ZNF532: variants seen among roughly 807,000 people sequenced by gnomAD.
The protein encoded by ZNF532 is zinc finger protein 532.
In ZNF532, 22 loss-of-function variants were observed where a neutral mutation model predicts 89.3. That is an observed-to-expected ratio of 0.25 (90% CI 0.18 to 0.35). The LOEUF is 0.35. Among genes scored for constraint, ZNF532 ranks in the 10% least tolerant of loss-of-function variants. The pLI is 1.00. For synonymous variants in ZNF532, 606 were observed against 649.6 expected (o/e 0.93, Z 1.02); for missense variants, 1,132 against 1,643.4 (o/e 0.69, Z 5.38).
chr18:58,967,740 T>C (rs1329348994), intron 7 of ZNF532, among the ~76,000 whole-genome samples: 1 of 152,192 alleles, frequency 6.6e-6, no homozygotes, highest in Admixed American at 6.5e-5. Context: ...CTGAGGCTGC[T>C]TCAGACCTCA....
intron 5 of ZNF532, chr18:58,939,904 T>G (rs1412601473): frequency 4.5e-6 from 1 of 222,326 alleles, no homozygotes; most frequent in Non-Finnish European, 8.9e-6. Context: ...AATTTTTTTT[T>G]TTTTTTGAGA....
intron 2 of ZNF532, among the ~76,000 whole-genome samples, chr18:58,892,970 G>T (rs976530561): frequency 1.2e-4 from 18 of 149,966 alleles, no homozygotes; most frequent in Non-Finnish European, 2.4e-4. Flanking sequence ...AGCAATTTCT[G>T]ATTTGTACTT....
chr18:58,895,111 G>A (rs553220254), intron 2 of ZNF532, among the ~76,000 whole-genome samples: 1 of 152,336 alleles, frequency 6.6e-6, no homozygotes, highest in South Asian at 2.1e-4. Flanking sequence ...GCTTTTCTGT[G>A]TAAATTGTTG....
intron 2 of ZNF532, among the ~76,000 whole-genome samples, chr18:58,899,626 G>A (rs1012870355): frequency 5.3e-5 from 8 of 151,994 alleles, no homozygotes; most frequent in African/African-American, 1.7e-4. Flanking sequence ...GAGCCACCAC[G>A]CCCAGCTTAT....
intron 9 of ZNF532, among the ~76,000 whole-genome samples, chr18:58,982,436 C>A (rs999457797): frequency 6.6e-6 from 1 of 151,392 alleles, no homozygotes; most frequent in Non-Finnish European, 1.5e-5. Context: ...GCCTGGCCAA[C>A]GTGGTGAAAC....
chr18:58,898,760 A>G lies in ZNF532; in HGVS notation c.-17-19511A>G, dbSNP rs1292709285. Among the ~76,000 whole-genome samples, 4 of 152,090 alleles carry G rather than the reference A, an allele frequency of 2.6e-5. No homozygotes were observed. The East Asian group carries it at 5.8e-4, about 22-fold the overall frequency. On this transcript the variant is annotated intron_variant, in intron 2 of 9. Coordinates refer to ENST00000591808, the MANE Select transcript of ZNF532 (RefSeq NM_001375912.1). Reference sequence around the variant, plus strand: ...CTAAGCACCTCCCCAAAACTGTACCATCTGTGCTGGGGAAATCAGGGAGCC... The same window carrying G: ...CTAAGCACCTCCCCAAAACTGTACCGTCTGTGCTGGGGAAATCAGGGAGCC...
intron 2 of ZNF532, among the ~76,000 whole-genome samples, chr18:58,903,025 T>G (rs1272496253): frequency 1.3e-5 from 2 of 152,210 alleles, no homozygotes; most frequent in Non-Finnish European, 2.9e-5. Context: ...TCCCATTTAA[T>G]TTTTAGAAAA....
At chr18:58,957,406 CATATATAT>C (rs58182199) in intron 7 of ZNF532, among the ~76,000 whole-genome samples, 6,595 of 138,852 alleles carry the variant, frequency 0.047, 180 homozygotes, top group African/African-American at 0.075. Flanking sequence ...ACTTAAAATA[CATATATAT>C]ATATATATAT....
intron 2 of ZNF532, among the ~76,000 whole-genome samples, chr18:58,879,683 C>T (rs2057731753): frequency 6.6e-6 from 1 of 152,218 alleles, no homozygotes; most frequent in Non-Finnish European, 1.5e-5. Flanking sequence ...GCCACCATGC[C>T]CGGCTGTTGG....
intron 3 of ZNF532, among the ~76,000 whole-genome samples, chr18:58,923,141 C>A (rs2061253596): frequency 6.6e-6 from 1 of 152,052 alleles, no homozygotes; most frequent in Admixed American, 6.5e-5. Flanking sequence ...AAAACACTCA[C>A]CTCCTGATCT....
intron 7 of ZNF532, among the ~76,000 whole-genome samples, chr18:58,967,974 A>G (rs552629386): frequency 6.6e-6 from 1 of 152,354 alleles, no homozygotes; most frequent in East Asian, 1.9e-4. Flanking sequence ...AGTACAGCAC[A>G]TATGGTACTC....
chr18:58,877,042 A>G (rs2057486086), intron 2 of ZNF532, among the ~76,000 whole-genome samples: 1 of 149,714 alleles, frequency 6.7e-6, no homozygotes, highest in Admixed American at 6.6e-5. Context: ...CCTGGGCAAC[A>G]GAGTGAGACC....
chr18:58,917,125 C>T (rs542542338), intron 2 of ZNF532, among the ~76,000 whole-genome samples: 3 of 152,308 alleles, frequency 2.0e-5, no homozygotes, highest in Admixed American at 2.0e-4. Flanking sequence ...CTCTCACTCT[C>T]TTCTCTTCCC....
At chr18:58,911,401 G>A (rs901207348) in intron 2 of ZNF532, among the ~76,000 whole-genome samples, 1 of 152,198 alleles carries the variant, frequency 6.6e-6, no homozygotes, top group African/African-American at 2.4e-5. Context: ...GGGGGATGGA[G>A]TTTAGAAGAG....
At chr18:58,915,223 A>ACACG (rs1193477507) in intron 2 of ZNF532, among the ~76,000 whole-genome samples, 1 of 152,236 alleles carries the variant, frequency 6.6e-6, no homozygotes, top group African/African-American at 2.4e-5. Flanking sequence ...GTTTCAGACG[A>ACACG]CACGATGCGC....
chr18:58,971,713 C>A (rs2066497757), intron 7 of ZNF532, among the ~76,000 whole-genome samples: 1 of 152,086 alleles, frequency 6.6e-6, no homozygotes, highest in African/African-American at 2.4e-5. Context: ...TTTTTTAGGG[C>A]AGTTTGGCAT....
intron 7 of ZNF532, 21 bp downstream of exon 7, chr18:58,953,820 G>A: frequency 6.2e-7 from 1 of 1,603,896 alleles, no homozygotes; most frequent in East Asian, 2.2e-5. Context: ...AATGAAAGCT[G>A]CTCTGGGTGA....
chr18:58,900,222 C>T (rs1414483103), intron 2 of ZNF532, among the ~76,000 whole-genome samples: 3 of 152,162 alleles, frequency 2.0e-5, no homozygotes, highest in African/African-American at 4.8e-5. Context: ...ATCGGAGGAT[C>T]GCAGCAGTCA....
chr18:58,909,974 C>A (rs1050361286), intron 2 of ZNF532, among the ~76,000 whole-genome samples: 1 of 152,036 alleles, frequency 6.6e-6, no homozygotes, highest in Admixed American at 6.6e-5. Flanking sequence ...TACAGTGGCT[C>A]ACATGTTTGT....
Sources: allele counts gnomAD v4.1 joint callset (sites outside exome capture counted in the v4.1 genomes callset), GRCh38; gene constraint gnomAD v4.1.1; transcripts MANE v1.5; gene names NCBI Gene and HGNC (gene_info 2026-07-23, HGNC 2026-07-21).